GOLGA7B: variants seen among roughly 807,000 people sequenced by gnomAD.
The protein encoded by GOLGA7B is golgin A7 family member B.
Under a neutral mutation model 21.5 loss-of-function variants are expected in GOLGA7B, and 17 were observed. The observed-to-expected ratio is 0.79, with a 90% confidence interval of 0.54 to 1.19. The LOEUF (loss-of-function observed/expected upper bound fraction) is 1.19. GOLGA7B is among the 50% of genes most tolerant of loss of function. The pLI is 0.00. For missense variants in GOLGA7B, 169 were observed against 224.4 expected (o/e 0.75, Z 1.58); for synonymous variants, 87 against 84.0 (o/e 1.04, Z -0.19).
intron 1 of GOLGA7B, among the ~76,000 whole-genome samples, chr10:97,858,201 C>T (rs1468674525): frequency 6.6e-6 from 1 of 152,156 alleles, no homozygotes; most frequent in African/African-American, 2.4e-5. Flanking sequence ...CTTCAGGAGG[C>T]CTTTTCTGAG....
intron 4 of GOLGA7B, chr10:97,865,325 G>A (rs940643647): frequency 4.1e-5 from 19 of 464,528 alleles, no homozygotes; most frequent in African/African-American, 1.4e-4. Context: ...GAATGTAAGC[G>A]CCATCAGGGC....
intron 1 of GOLGA7B, among the ~76,000 whole-genome samples, chr10:97,859,089 T>C (rs929827838): frequency 2.0e-5 from 3 of 152,256 alleles, no homozygotes; most frequent in Non-Finnish European, 4.4e-5. Context: ...GGTCTTGCTC[T>C]GTCACCCAGG....
intron 1 of GOLGA7B, among the ~76,000 whole-genome samples, chr10:97,858,453 T>C (rs2049949994): frequency 6.6e-6 from 1 of 152,132 alleles, no homozygotes. Flanking sequence ...GTGTTCTCAG[T>C]GTTGGGCATA....
intron 1 of GOLGA7B, among the ~76,000 whole-genome samples, chr10:97,857,167 G>T (rs2049940098): frequency 6.6e-6 from 1 of 152,126 alleles, no homozygotes; most frequent in African/African-American, 2.4e-5. Flanking sequence ...ATATCCAGAA[G>T]AGTTTTTCCT....
In GOLGA7B at chr10:97,850,237, C is replaced by T. The variant is rs1022585812; in HGVS notation, c.-67C>T. ...CCGCCACCGCCGCCGCCCACCTGCT[C>T]CCGGGGTCAGCACCGCGGAGACCCC... is the stretch of plus-strand genomic sequence containing the variant. On this transcript the variant is annotated 5_prime_UTR_variant, in exon 1 of 5. Coordinates refer to ENST00000370602, the MANE Select transcript of GOLGA7B (RefSeq NM_001010917.3). 18 of 1,291,968 alleles carry T rather than the reference C, an allele frequency of 1.4e-5. No homozygotes were observed. The Admixed American group carries it at 2.4e-4, about 17-fold the overall frequency. 80.0% of individuals were successfully genotyped at this position (1,291,968 alleles called of 1,614,324 possible). A position where few individuals can be genotyped will look rare whatever the true frequency, so the allele number is the denominator to read the frequency against.
At chr10:97,858,202 C>T (rs1291007053) in intron 1 of GOLGA7B, among the ~76,000 whole-genome samples, 1 of 152,152 alleles carries the variant, frequency 6.6e-6, no homozygotes, top group African/African-American at 2.4e-5. Context: ...TTCAGGAGGC[C>T]TTTTCTGAGT....
intron 1 of GOLGA7B, among the ~76,000 whole-genome samples, chr10:97,855,930 G>A (rs1247545065): frequency 6.6e-6 from 1 of 152,186 alleles, no homozygotes; most frequent in Non-Finnish European, 1.5e-5. Flanking sequence ...CGTACATACA[G>A]CAAGGTCCAC....
chr10:97,856,321 G>A (rs1413448827), intron 1 of GOLGA7B, among the ~76,000 whole-genome samples: 2 of 152,148 alleles, frequency 1.3e-5, no homozygotes, highest in East Asian at 3.8e-4. Context: ...GAGAAAGTGT[G>A]TTTTGTGGTA....
intron 2 of GOLGA7B, among the ~76,000 whole-genome samples, chr10:97,863,020 G>A (rs1180202658): frequency 6.6e-6 from 1 of 152,204 alleles, no homozygotes; most frequent in African/African-American, 2.4e-5. Flanking sequence ...GGCCTAGCGG[G>A]CATTGTAAGG....
chr10:97,855,329 C>A (rs761465993), intron 1 of GOLGA7B, among the ~76,000 whole-genome samples: 1 of 152,184 alleles, frequency 6.6e-6, no homozygotes, highest in Non-Finnish European at 1.5e-5. Flanking sequence ...CCAAAGCAAT[C>A]CTATGCAAAG....
intron 1 of GOLGA7B, among the ~76,000 whole-genome samples, chr10:97,857,348 A>G (rs2049941794): frequency 6.8e-6 from 1 of 146,010 alleles, no homozygotes; most frequent in Non-Finnish European, 1.5e-5. Context: ...TCCCCATCCC[A>G]TTTACAATAG....
rs918474939 is a variant in GOLGA7B, at chr10:97,853,300, C to G, written c.12+2985C>G. ...CAGCGGAACCTCCTAATTCTCGATG[C>G]CTCACATGCATCCTATGGAATGAGA... On this transcript the variant is annotated intron_variant, in intron 1 of 4. Coordinates refer to ENST00000370602, the MANE Select transcript of GOLGA7B (RefSeq NM_001010917.3). Among the ~76,000 whole-genome samples, 10 of 152,200 alleles carry G rather than the reference C, an allele frequency of 6.6e-5. 1 individual carries two copies. The highest frequency in any genetic ancestry group is 1.3e-4 in the Admixed American group (2 of 15,288).
rs2050068832 is a variant in GOLGA7B, at chr10:97,869,598, C to CCG, written c.*3898_*3899insCG. On this transcript the variant is annotated 3_prime_UTR_variant, in exon 5 of 5. Transcript: ENST00000370602. The stretch of plus-strand genomic sequence containing the variant: ...GCCACAGGGCGGGTGTGTGTGAAAC[C>CCG]ACAGGGTTTACAGAAGCTCGAGGTG... The CCG allele has an allele frequency of 6.6e-6, 1 of 152,348 alleles. No individual in the cohort carries two copies. Among genetic ancestry groups the CCG allele is most frequent in the Non-Finnish European group, 1.5e-5 (1 of 68,130 alleles). 9.4% of individuals were successfully genotyped at this position (152,348 alleles called of 1,614,324 possible). A position where few individuals can be genotyped will look rare whatever the true frequency, so the allele number is the denominator to read the frequency against.
In GOLGA7B at chr10:97,867,740, C is replaced by T. The variant is rs2136523981; in HGVS notation, c.*2040C>T. On this transcript the variant is annotated 3_prime_UTR_variant, in exon 5 of 5. Transcript: ENST00000370602. ...TCTTTTTCCAATAAAAGAACTTGCC[C>T]AGCGTGAAGCTCTGTGATGCTTTCT... 6.6e-6 allele frequency: 1 copy of T among 152,038 alleles called. No individual in the cohort carries two copies. The highest frequency in any genetic ancestry group is 1.9e-4 in the East Asian group (1 of 5,170). The allele number at this position is 152,038 out of a possible 1,614,324, so 9.4% of individuals were successfully genotyped here.
intron 1 of GOLGA7B, among the ~76,000 whole-genome samples, chr10:97,856,920 G>A (rs183432072): frequency 1.1e-3 from 173 of 152,090 alleles, no homozygotes; most frequent in African/African-American, 3.9e-3. Flanking sequence ...AGTTTTTAAT[G>A]GGGTTGTTTT....
At chr10:97,853,633 G>C (rs983469440) in intron 1 of GOLGA7B, among the ~76,000 whole-genome samples, 1 of 152,220 alleles carries the variant, frequency 6.6e-6, no homozygotes, top group Non-Finnish European at 1.5e-5. Flanking sequence ...ATGGGAGAGA[G>C]GGGCAGGGTT....
rs2050089475 is a variant in GOLGA7B, at chr10:97,871,195, C to T, written c.*5495C>T. On this transcript the variant is annotated 3_prime_UTR_variant, in exon 5 of 5. Coordinates refer to ENST00000370602, the MANE Select transcript of GOLGA7B (RefSeq NM_001010917.3). The stretch of plus-strand genomic sequence containing the variant: ...TCCTCCAAGAGGATGTTCAAAGGGC[C>T]TGTCATTTCAGCATCTGCTGGACAG... 1 of 152,216 alleles carries T rather than the reference C, an allele frequency of 6.6e-6. No homozygotes were observed. Among genetic ancestry groups the T allele is most frequent in the African/African-American group, 2.4e-5 (1 of 41,460 alleles). 9.4% of individuals were successfully genotyped at this position (152,216 alleles called of 1,614,324 possible). A position where few individuals can be genotyped will look rare whatever the true frequency, so the allele number is the denominator to read the frequency against.
At chr10:97,852,673 A>G (rs759169281) in intron 1 of GOLGA7B, among the ~76,000 whole-genome samples, 1 of 148,714 alleles carries the variant, frequency 6.7e-6, no homozygotes, top group Non-Finnish European at 1.5e-5. Flanking sequence ...CTCTAGGAGA[A>G]GCTGTATTGA....
chr10:97,865,999 A>G lies in GOLGA7B; in HGVS notation c.*299A>G. The G allele has an allele frequency of 2.5e-6, 1 of 407,766 alleles. No homozygotes were observed. The highest frequency in any genetic ancestry group is 4.3e-6 in the Non-Finnish European group (1 of 229,928). The allele number at this position is 407,766 out of a possible 1,614,324, so 25.3% of individuals were successfully genotyped here. On this transcript the variant is annotated 3_prime_UTR_variant, in exon 5 of 5. Transcript: ENST00000370602. Reference sequence around the variant, plus strand: ...AGGAAGGCTGGGGTGGGGAGAACACAACCTAGGCGGCCCCTCTCTTCCACA... The same window carrying G: ...AGGAAGGCTGGGGTGGGGAGAACACGACCTAGGCGGCCCCTCTCTTCCACA...
Sources: gnomAD v4.1 joint callset for allele counts (sites outside exome capture counted in the v4.1 genomes callset) on GRCh38, gnomAD v4.1.1 for gene constraint, MANE v1.5 for transcripts, NCBI Gene and HGNC (gene_info 2026-07-23, HGNC 2026-07-21) for gene names.